Variants in AGBL1 observed in about 807,000 individuals in gnomAD.
The protein encoded by AGBL1 is cytosolic carboxypeptidase 4.
A neutral mutation model predicts 118.9 loss-of-function variants in AGBL1; 130 were observed. That is an observed-to-expected ratio of 1.09 (90% CI 0.95 to 1.26). AGBL1 has a LOEUF of 1.26. Among genes scored for constraint, AGBL1 ranks in the 50% most tolerant of loss-of-function variants. The pLI is 0.00. For missense variants in AGBL1, 1,584 were observed against 1,298.1 expected (o/e 1.22, Z -3.38); for synonymous variants, 555 against 478.9 (o/e 1.16, Z -2.08).
chr15:86,478,631 C>G (rs1462355938), intron 18 of AGBL1, among the ~76,000 whole-genome samples: 2 of 152,124 alleles, frequency 1.3e-5, no homozygotes, highest in Non-Finnish European at 1.5e-5. Context: ...TAGGAAGAAT[C>G]AATATCATGA....
chr15:86,080,935 G>A (rs879382916), intron 1 of AGBL1, among the ~76,000 whole-genome samples: 1 of 151,410 alleles, frequency 6.6e-6, no homozygotes, highest in Admixed American at 6.6e-5. Context: ...GGGCTTGTGG[G>A]GGCGGGGGGG....
intron 21 of AGBL1, among the ~76,000 whole-genome samples, chr15:86,648,310 C>T (rs1427774286): frequency 6.6e-6 from 1 of 152,064 alleles, no homozygotes; most frequent in Admixed American, 6.6e-5. Context: ...GGGTGCTAGA[C>T]TTGAGAGTGG....
At chr15:86,949,624 A>G (rs951607138) in intron 23 of AGBL1, among the ~76,000 whole-genome samples, 1 of 152,168 alleles carries the variant, frequency 6.6e-6, no homozygotes, top group African/African-American at 2.4e-5. Flanking sequence ...CAAAAGGGTC[A>G]ATCCACAAAA....
chr15:86,542,355 GA>G (rs2083512096), intron 19 of AGBL1, among the ~76,000 whole-genome samples: 2 of 112,260 alleles, frequency 1.8e-5, no homozygotes, highest in Non-Finnish European at 3.4e-5. Context: ...CCACCATTGA[GA>G]TTTTTTTTTT....
intron 23 of AGBL1, among the ~76,000 whole-genome samples, chr15:86,969,866 C>T (rs1392282682): frequency 6.6e-6 from 1 of 151,888 alleles, no homozygotes; most frequent in Non-Finnish European, 1.5e-5. Flanking sequence ...AGTCACCTCA[C>T]TGAGGAATGT....
chr15:86,891,863 G>C (rs1432066274), intron 22 of AGBL1, among the ~76,000 whole-genome samples: 1 of 152,176 alleles, frequency 6.6e-6, no homozygotes, highest in African/African-American at 2.4e-5. Context: ...ATGAGCAAAT[G>C]AATGTGGTTT....
chr15:86,753,879 T>A (rs11636760), intron 22 of AGBL1, among the ~76,000 whole-genome samples: 1 of 151,936 alleles, frequency 6.6e-6, no homozygotes, highest in Non-Finnish European at 1.5e-5. Context: ...CCAGTGTCTT[T>A]TCAGGTTCCA....
At chr15:86,298,916 C>T (rs1220766394) in intron 17 of AGBL1, among the ~76,000 whole-genome samples, 1 of 152,076 alleles carries the variant, frequency 6.6e-6, no homozygotes, top group Non-Finnish European at 1.5e-5. Flanking sequence ...CTGAGGACAA[C>T]TTAATGATTA....
Position 86,395,021 on chromosome 15 carries a change from T to G in AGBL1, c.2375-2345T>G, listed in dbSNP as rs569162280. On this transcript the variant is annotated intron_variant, in intron 17 of 22. Coordinates refer to ENST00000614907, the MANE Select transcript of AGBL1 (RefSeq NM_001386094.1). ...GGCAGGTGACCGGCAGTTTGTGCCA[T>G]GTATGTAATATCATAAGCACTTGCA... 7.9e-5 allele frequency among the ~76,000 whole-genome samples: 12 copies of G among 152,284 alleles called. No homozygotes were observed. In the South Asian group the frequency reaches 2.1e-3, roughly 26 times the overall value.
At chr15:86,426,344 C>T (rs2081866138) in intron 18 of AGBL1, among the ~76,000 whole-genome samples, 1 of 152,114 alleles carries the variant, frequency 6.6e-6, no homozygotes, top group African/African-American at 2.4e-5. Context: ...CTGGCAGATC[C>T]AGGACAAAGA....
At chr15:86,317,201 C>T (rs1453810883) in intron 17 of AGBL1, 1 of 152,190 alleles carries the variant, frequency 6.6e-6, no homozygotes, top group African/African-American at 2.4e-5. Context: ...CCACAAAACA[C>T]TTTGAATCAA....
intron 5 of AGBL1, among the ~76,000 whole-genome samples, chr15:86,164,918 G>A (rs147310234): frequency 6.6e-6 from 1 of 152,322 alleles, no homozygotes; most frequent in African/African-American, 2.4e-5. Flanking sequence ...AAGTCAGGAA[G>A]TGTTTTGCTC....
At chr15:86,984,209 A>G (rs913933654) in intron 23 of AGBL1, among the ~76,000 whole-genome samples, 1 of 152,276 alleles carries the variant, frequency 6.6e-6, no homozygotes, top group South Asian at 2.1e-4. Flanking sequence ...TTTTAATTTT[A>G]GCTACTATTA....
intron 22 of AGBL1, among the ~76,000 whole-genome samples, chr15:86,727,550 C>G (rs1367104591): frequency 6.6e-6 from 1 of 151,818 alleles, no homozygotes; most frequent in Non-Finnish European, 1.5e-5. Context: ...GTTTTATTTT[C>G]AATGACAAAA....
At chr15:86,262,170 T>A (rs1204754181) in intron 9 of AGBL1, among the ~76,000 whole-genome samples, 1 of 143,504 alleles carries the variant, frequency 7.0e-6, no homozygotes, top group Non-Finnish European at 1.5e-5. Flanking sequence ...AGCCTCCCAT[T>A]CCCCAGTCTT....
chr15:86,917,749 GT>G (rs1411561272), downstream of AGBL1, among the ~76,000 whole-genome samples: 1 of 150,192 alleles, frequency 6.7e-6, no homozygotes, highest in Non-Finnish European at 1.5e-5. This position sits in a 1 kb window ranked among gnomAD's most constrained non-coding sequence, Gnocchi z 4.8. Context: ...GATTCGGGGA[GT>G]GGGGCCAGGG....
At chr15:86,122,431 G>A (rs1898145267) in intron 1 of AGBL1, among the ~76,000 whole-genome samples, 1 of 152,178 alleles carries the variant, frequency 6.6e-6, no homozygotes, top group African/African-American at 2.4e-5. Context: ...GCTAGACATA[G>A]TGACTGGCTT....
intron 18 of AGBL1, among the ~76,000 whole-genome samples, chr15:86,514,182 C>G (rs1305452762): frequency 1.3e-5 from 2 of 151,426 alleles, no homozygotes; most frequent in African/African-American, 4.8e-5. Flanking sequence ...ATTTCTTTAT[C>G]TATCTGTAAA....
At chr15:86,810,896 G>C (rs894758532) in intron 22 of AGBL1, among the ~76,000 whole-genome samples, 1 of 152,174 alleles carries the variant, frequency 6.6e-6, no homozygotes, top group Non-Finnish European at 1.5e-5. Context: ...CTAAGCTCTG[G>C]AGGGGAAATT....
Sources: allele counts gnomAD v4.1 joint callset (sites outside exome capture counted in the v4.1 genomes callset), GRCh38; gene constraint gnomAD v4.1.1; non-coding constraint Gnocchi (gnomAD v3.1); transcripts MANE v1.5; gene names NCBI Gene and HGNC (gene_info 2026-07-23, HGNC 2026-07-21).